DENND2C: variants seen among roughly 807,000 people sequenced by gnomAD.
DENND2C encodes the protein DENN domain-containing protein 2C.
In DENND2C, 72 loss-of-function variants were observed where a neutral mutation model predicts 112.4. That is an observed-to-expected ratio of 0.64 (90% CI 0.53 to 0.78). DENND2C has a LOEUF of 0.78. DENND2C is among the 30% of genes least tolerant of loss of function. The pLI is 0.00. For missense variants in DENND2C, 992 were observed against 1,113.8 expected (o/e 0.89, Z 1.56); for synonymous variants, 329 against 381.6 (o/e 0.86, Z 1.61).
Position 114,611,127 on chromosome 1 carries a change from GAGA to G in DENND2C, c.1325-13_1325-11del, listed in dbSNP as rs1309135402. ...TTCCCACTGGTTTCACCTGAAAAGAGAGAAGGAGTTTCCATTTGTATTGTCCAA... is the reference window on the plus strand; with the variant it reads ...TTCCCACTGGTTTCACCTGAAAAGAGAGGAGTTTCCATTTGTATTGTCCAA... On this transcript the variant is annotated splice_polypyrimidine_tract_variant and intron_variant, in intron 8 of 20. Coordinates refer to ENST00000393274, the MANE Select transcript of DENND2C (RefSeq NM_001256404.2). 3.1e-6 allele frequency: 5 copies of G among 1,614,130 alleles called. 1 individual carries two copies. In the South Asian group the frequency reaches 4.4e-5, roughly 14 times the overall value.
intron 2 of DENND2C, among the ~76,000 whole-genome samples, chr1:114,648,969 T>C (rs1657075263): frequency 1.3e-5 from 2 of 152,182 alleles, no homozygotes; most frequent in South Asian, 4.1e-4. Context: ...CTTTTTTTTT[T>C]TTGAGACAGA....
Position 114,604,991 on chromosome 1 carries a change from C to T in DENND2C, c.1598G>A (p.Arg533Lys). 1 of 1,613,736 alleles carries T rather than the reference C, an allele frequency of 6.2e-7. No individual in the cohort carries two copies. The highest frequency in any genetic ancestry group is 8.5e-7 in the Non-Finnish European group (1 of 1,179,920). The change falls in exon 11 of 21, where the codon AGA (arginine) becomes AAA (lysine). Residue 533 changes from arginine to lysine, a missense_variant. Coordinates refer to ENST00000393274, the MANE Select transcript of DENND2C (RefSeq NM_001256404.2). ...ACAAAATTTTGGAATAACTTTAAGT[C>T]TCTCTTCCATGTCTTTGGACTGCTT... ...GYKQSKDMEE[R>K]LKVIPKFCFP...
chr1:114,605,613 GA>G lies in DENND2C; in HGVS notation c.1558-583del, dbSNP rs1325107578. ...TGGAGACCAGCCTGGGCAACATGGTGAAACCCCATCTCTACAAAAAATAGAA... is the reference window on the plus strand; with the variant it reads ...TGGAGACCAGCCTGGGCAACATGGTGAACCCCATCTCTACAAAAAATAGAA... On this transcript the variant is annotated intron_variant, in intron 10 of 20. Transcript: ENST00000393274. Among the ~76,000 whole-genome samples, 5 of 152,042 alleles carry G rather than the reference GA, an allele frequency of 3.3e-5. No homozygotes were observed. In the South Asian group the frequency reaches 8.7e-4, roughly 26 times the overall value.
At position 114,623,601 on chromosome 1, in the gene DENND2C, C is replaced by T; in HGVS notation, c.849G>A (p.Arg283=). 1 of 1,606,752 alleles carries T rather than the reference C, an allele frequency of 6.2e-7. No individual in the cohort carries two copies. The highest frequency in any genetic ancestry group is 2.3e-5 in the East Asian group (1 of 44,250). The change falls in exon 5 of 21, where the codon CGG becomes CGA. Residue 283 remains arginine (R), a synonymous_variant. Coordinates refer to ENST00000393274, the MANE Select transcript of DENND2C (RefSeq NM_001256404.2). ...EFEDIQHFRN[R]NSQTIREELG... is the part of the protein sequence containing the mutation. ...GTTCTTCACGAATCGTCTGTGAGTTCCGATTTCGAAAGTGCTGAATATCCT... is the reference window on the plus strand; with the variant it reads ...GTTCTTCACGAATCGTCTGTGAGTTTCGATTTCGAAAGTGCTGAATATCCT...
At chr1:114,614,003 C>T (rs1655890318) in intron 8 of DENND2C, among the ~76,000 whole-genome samples, 1 of 152,064 alleles carries the variant, frequency 6.6e-6, no homozygotes, top group Non-Finnish European at 1.5e-5. Flanking sequence ...GAGGCCAAGG[C>T]AGAAGGATCG....
chr1:114,636,577 G>T (rs186298350), intron 3 of DENND2C, among the ~76,000 whole-genome samples: 1 of 152,144 alleles, frequency 6.6e-6, no homozygotes, highest in Middle Eastern at 3.4e-3. Flanking sequence ...AGGTGGGAAT[G>T]GGGGGAGGAC....
intron 9 of DENND2C, 90 bp downstream of exon 9, chr1:114,610,983 G>GA: frequency 1.4e-6 from 2 of 1,468,162 alleles, no homozygotes; most frequent in Non-Finnish European, 1.9e-6. Context: ...CTTCATGTGG[G>GA]AAAAAACATG....
intron 8 of DENND2C, among the ~76,000 whole-genome samples, chr1:114,618,151 G>C (rs1369201732): frequency 6.6e-6 from 1 of 152,062 alleles, no homozygotes; most frequent in Non-Finnish European, 1.5e-5. Context: ...ACCACGCCTG[G>C]CTAATTTTTT....
At chr1:114,631,389 A>G (rs573496403) in intron 3 of DENND2C, among the ~76,000 whole-genome samples, 100 of 152,280 alleles carry the variant, frequency 6.6e-4, no homozygotes, top group African/African-American at 2.1e-3. Context: ...TAAAAAAAAT[A>G]AAATGAAATA....
At chr1:114,588,650 C>T (rs1655106486) in intron 18 of DENND2C, 1 of 152,214 alleles carries the variant, frequency 6.6e-6, no homozygotes, top group Non-Finnish European at 1.5e-5. Context: ...CTTTTTGGAA[C>T]TTGGACTATG....
chr1:114,592,077 G>T (rs1396230975), intron 18 of DENND2C, among the ~76,000 whole-genome samples: 1 of 151,856 alleles, frequency 6.6e-6, no homozygotes, highest in Non-Finnish European at 1.5e-5. Flanking sequence ...TAGAGATGGG[G>T]TTTCACCATG....
intron 7 of DENND2C, among the ~76,000 whole-genome samples, chr1:114,619,223 T>C (rs1656090719): frequency 6.6e-6 from 1 of 152,172 alleles, no homozygotes; most frequent in African/African-American, 2.4e-5. Flanking sequence ...CAGAATGCGG[T>C]AAAAAAGAGG....
intron 18 of DENND2C, among the ~76,000 whole-genome samples, chr1:114,592,304 A>C (rs1318764239): frequency 6.6e-6 from 1 of 152,204 alleles, no homozygotes; most frequent in Non-Finnish European, 1.5e-5. Context: ...CTATTTCTGC[A>C]CCAAAACCAA....
intron 2 of DENND2C, among the ~76,000 whole-genome samples, chr1:114,648,329 G>C (rs1657055878): frequency 6.6e-6 from 1 of 152,142 alleles, no homozygotes; most frequent in South Asian, 2.1e-4. Flanking sequence ...TAATGCAACA[G>C]GATGTCAAAT....
intron 8 of DENND2C, among the ~76,000 whole-genome samples, chr1:114,613,828 A>G (rs933783554): frequency 6.6e-6 from 1 of 152,228 alleles, no homozygotes; most frequent in African/African-American, 2.4e-5. Context: ...CAGGGATCGA[A>G]AAAGTACCAG....
At position 114,587,473 on chromosome 1, in the gene DENND2C, C is replaced by T; in HGVS notation, c.2669G>A (p.Gly890Asp). Residue 890 changes from glycine (G) to aspartate (D), a missense_variant and splice_region_variant, in exon 20 of 21, where the codon GGT (glycine) becomes GAT (aspartate). Gly to Asp is a moderately conservative substitution (Grantham distance 94). This residue lies in a region of DENND2C where 516 missense variants were observed against 623.6 expected (regional missense o/e 0.83). Coordinates refer to ENST00000393274, the MANE Select transcript of DENND2C (RefSeq NM_001256404.2). ...DRELRKSGVK[G>D]LFEIRAIQYL... is the part of the protein sequence containing the mutation. ...CTGGATGGCCCGGATCTCAAACAAA[C>T]CTACAAGGAAAAACTCATGTTGGTG... 2 of 1,614,130 alleles carry T rather than the reference C, an allele frequency of 1.2e-6. No individual in the cohort carries two copies. The highest frequency in any genetic ancestry group is 1.7e-6 in the Non-Finnish European group (2 of 1,180,004).
intron 10 of DENND2C, among the ~76,000 whole-genome samples, chr1:114,606,161 T>C (rs758731492): frequency 5.7e-4 from 86 of 152,140 alleles, no homozygotes; most frequent in Admixed American, 1.2e-3. Flanking sequence ...GATCCTCGTG[T>C]CTCAGCTGGC....
At chr1:114,643,645 T>C (rs1656903359) in intron 3 of DENND2C, among the ~76,000 whole-genome samples, 1 of 152,142 alleles carries the variant, frequency 6.6e-6, no homozygotes, top group South Asian at 2.1e-4. Flanking sequence ...ACAAAGAAAC[T>C]TTAAATAAAC....
chr1:114,659,765 C>T (rs995697544), intron 1 of DENND2C, among the ~76,000 whole-genome samples: 8 of 129,950 alleles, frequency 6.2e-5, no homozygotes, highest in African/African-American at 9.2e-5. Flanking sequence ...TCCCTCCCTC[C>T]GTCTTCCTTC....
Sources: gnomAD v4.1 joint callset for allele counts (sites outside exome capture counted in the v4.1 genomes callset) on GRCh38, gnomAD v4.1.1 for gene constraint, gnomAD v4.1.1 regional missense constraint, MANE v1.5 for transcripts, NCBI Gene and HGNC (gene_info 2026-07-23, HGNC 2026-07-21) for gene names.